The following PCSK2 variants were observed in gnomAD, a reference collection of about 807,000 sequenced individuals.
The protein encoded by PCSK2 is neuroendocrine convertase 2.
A neutral mutation model predicts 69.7 loss-of-function variants in PCSK2; 14 were observed. The ratio of observed to expected loss-of-function variants is 0.20; its 90% CI spans 0.13 to 0.31. PCSK2 has a LOEUF of 0.31. Ranked by LOEUF, PCSK2 falls within the 10% of genes least tolerant of loss-of-function variation. The probability of loss-of-function intolerance (pLI) is 1.00; values close to 1 mark genes in which losing one functional copy is unlikely to be tolerated. For synonymous variants in PCSK2, 307 were observed against 320.7 expected, an observed-to-expected ratio of 0.96 and a Z score of 0.46; for missense variants, 544 against 842.5, an observed-to-expected ratio of 0.65 and a Z score of 4.39.
chr20:17,274,902 C>T (rs1988004301), intron 2 of PCSK2, among the ~76,000 whole-genome samples: 1 of 151,980 alleles, frequency 6.6e-6, no homozygotes, highest in African/African-American at 2.4e-5. Flanking sequence ...AACCCCAAGA[C>T]ACTACACCCC....
intron 2 of PCSK2, among the ~76,000 whole-genome samples, chr20:17,295,244 A>T (rs372579180): frequency 3.4e-5 from 5 of 146,564 alleles, no homozygotes; most frequent in Admixed American, 3.4e-4. Flanking sequence ...ACACACACAC[A>T]CCTCTCTCAA....
chr20:17,435,722 C>G (rs960140668), intron 7 of PCSK2, among the ~76,000 whole-genome samples: 1 of 152,202 alleles, frequency 6.6e-6, no homozygotes, highest in African/African-American at 2.4e-5. Context: ...CACTAGCACT[C>G]TAAGCTCCAT....
chr20:17,305,033 C>G (rs535258082), intron 2 of PCSK2, among the ~76,000 whole-genome samples: 2 of 152,302 alleles, frequency 1.3e-5, no homozygotes, highest in African/African-American at 4.8e-5. Flanking sequence ...CCATTGCCTC[C>G]TCCTGTTACC....
chr20:17,358,696 A>T (rs556208942), intron 3 of PCSK2, among the ~76,000 whole-genome samples: 5 of 152,328 alleles, frequency 3.3e-5, no homozygotes, highest in African/African-American at 1.2e-4. Flanking sequence ...AATTCTCTTC[A>T]GTTCTGAAAA....
chr20:17,294,672 A>G (rs2123073521), intron 2 of PCSK2, among the ~76,000 whole-genome samples: 1 of 152,202 alleles, frequency 6.6e-6, no homozygotes, highest in South Asian at 2.1e-4. Context: ...TTCCTTTATA[A>G]TGTTTTTCCC....
chr20:17,457,184 C>A (rs2032937443), intron 10 of PCSK2, among the ~76,000 whole-genome samples: 2 of 152,234 alleles, frequency 1.3e-5, no homozygotes, highest in South Asian at 4.1e-4. Flanking sequence ...TCAGACACCA[C>A]ACACATAGTG....
chr20:17,407,312 G>C (rs575195014), intron 5 of PCSK2, among the ~76,000 whole-genome samples: 255 of 152,236 alleles, frequency 1.7e-3, no homozygotes, highest in Non-Finnish European at 2.9e-3. Flanking sequence ...GGCCACTCGT[G>C]CTGGATTTCC....
chr20:17,326,517 A>G (rs1990058593), intron 2 of PCSK2, among the ~76,000 whole-genome samples: 1 of 152,248 alleles, frequency 6.6e-6, no homozygotes, highest in Admixed American at 6.5e-5. Flanking sequence ...ATTAGTTGTG[A>G]GAAATGTACC....
At chr20:17,371,115 T>G (rs1465007349) in intron 5 of PCSK2, among the ~76,000 whole-genome samples, 1 of 152,192 alleles carries the variant, frequency 6.6e-6, no homozygotes, top group African/African-American at 2.4e-5. Context: ...TTGGAGGACT[T>G]CAAGGTGGGG....
chr20:17,409,916 CTT>C (rs1258825584), intron 6 of PCSK2, among the ~76,000 whole-genome samples: 4 of 152,164 alleles, frequency 2.6e-5, no homozygotes, highest in Admixed American at 1.3e-4. Context: ...AATGTGGTCT[CTT>C]TTTTCTTCAA....
intron 1 of PCSK2, among the ~76,000 whole-genome samples, chr20:17,259,020 T>C (rs1393620135): frequency 6.6e-6 from 1 of 151,808 alleles, no homozygotes; most frequent in Non-Finnish European, 1.5e-5. Flanking sequence ...ATAATAATAA[T>C]AAATATTCTT....
chr20:17,365,760 A>C (rs1044891225), intron 4 of PCSK2, among the ~76,000 whole-genome samples: 9 of 152,236 alleles, frequency 5.9e-5, no homozygotes, highest in African/African-American at 2.2e-4. Flanking sequence ...AACAGGTCTC[A>C]AGTAAGTCCA....
intron 1 of PCSK2, among the ~76,000 whole-genome samples, chr20:17,233,881 C>T (rs1280681024): frequency 6.6e-6 from 1 of 152,172 alleles, no homozygotes; most frequent in Non-Finnish European, 1.5e-5. Context: ...ATGCCTGATG[C>T]ATAAGAATTC....
At chr20:17,475,488 G>A (rs1025659741) in intron 11 of PCSK2, among the ~76,000 whole-genome samples, 11 of 152,142 alleles carry the variant, frequency 7.2e-5, no homozygotes, top group East Asian at 3.9e-4. Flanking sequence ...TTCACGTAGC[G>A]AAGGACCTTA....
At chr20:17,342,407 C>T (rs1301897518) in intron 2 of PCSK2, among the ~76,000 whole-genome samples, 1 of 152,126 alleles carries the variant, frequency 6.6e-6, no homozygotes, top group Non-Finnish European at 1.5e-5. Flanking sequence ...ACCCTCCACC[C>T]CACTGAGGTC....
intron 2 of PCSK2, among the ~76,000 whole-genome samples, chr20:17,301,988 G>A (rs1182060313): frequency 6.6e-6 from 1 of 151,808 alleles, no homozygotes; most frequent in Non-Finnish European, 1.5e-5. Flanking sequence ...ACTTGGTACA[G>A]CAGCCTTGAC....
At chr20:17,353,465 C>CAGA (rs2030074372) in intron 2 of PCSK2, among the ~76,000 whole-genome samples, 1 of 145,220 alleles carries the variant, frequency 6.9e-6, no homozygotes, top group African/African-American at 2.6e-5. Flanking sequence ...CTCCATCACA[C>CAGA]AAAAAAAAAA....
At position 17,417,325 on chromosome 20, in the gene PCSK2, A is replaced by T. The variant is rs77769425; in HGVS notation, c.620+7986A>T. Among the ~76,000 whole-genome samples the T allele has an allele frequency of 4.4e-3, 663 of 152,318 alleles. 4 individuals carry two copies. The highest frequency in any genetic ancestry group is 0.014 in the African/African-American group (587 of 41,570). On this transcript the variant is annotated intron_variant, in intron 6 of 11. Coordinates refer to ENST00000262545, the MANE Select transcript of PCSK2 (RefSeq NM_002594.5). ...AGTGCTTAGGGCAATAAAACTCATC[A>T]TTGTCAGCGGTAAGAATTCCCAAGT...
chr20:17,468,694 C>T (rs948751735), intron 11 of PCSK2, among the ~76,000 whole-genome samples: 2 of 141,158 alleles, frequency 1.4e-5, no homozygotes, highest in South Asian at 2.4e-4. Flanking sequence ...ACGGGCAGCC[C>T]ACCATAGGTC....
Sources: allele counts gnomAD v4.1 joint callset (sites outside exome capture counted in the v4.1 genomes callset), GRCh38; gene constraint gnomAD v4.1.1; transcripts MANE v1.5; gene names NCBI Gene and HGNC (gene_info 2026-07-23, HGNC 2026-07-21).